Variants in WWOX observed in about 807,000 individuals in gnomAD.
WWOX encodes WW domain containing oxidoreductase.
In WWOX, 69 loss-of-function variants were observed where a neutral mutation model predicts 46.2. The ratio of observed to expected loss-of-function variants is 1.49; its 90% CI spans 1.23 to 1.82. The LOEUF is 1.82. Among genes scored for constraint, WWOX ranks in the 40% most tolerant of loss-of-function variants. The pLI is 0.00. For synonymous variants in WWOX, 359 were observed against 202.6 expected (o/e 1.77, Z -6.56); for missense variants, 919 against 542.6 (o/e 1.69, Z -6.89).
At chr16:78,958,496 C>A (rs1200151203) in intron 8 of WWOX, among the ~76,000 whole-genome samples, 1 of 152,202 alleles carries the variant, frequency 6.6e-6, no homozygotes, top group Non-Finnish European at 1.5e-5. Context: ...TAAAAACACA[C>A]TTTACTACAA....
chr16:78,603,230 G>C (rs1377526084), intron 8 of WWOX, among the ~76,000 whole-genome samples: 2 of 152,220 alleles, frequency 1.3e-5, no homozygotes, highest in Non-Finnish European at 2.9e-5. Flanking sequence ...TCATGGCACA[G>C]ATAAGGCATT....
rs149890838 is a variant in WWOX, at chr16:79,165,272, C to A, written c.1057-46336C>A. On this transcript the variant is annotated intron_variant, in intron 8 of 8. Coordinates refer to ENST00000566780, the MANE Select transcript of WWOX (RefSeq NM_016373.4). ...CCGGCATCCAATGACCTTGCCATTGCGGAGGTCAATTTCATGTGTGTGTGC... is the reference window on the plus strand; with the variant it reads ...CCGGCATCCAATGACCTTGCCATTGAGGAGGTCAATTTCATGTGTGTGTGC... Among the ~76,000 whole-genome samples, 216 of 152,092 alleles carry A rather than the reference C, an allele frequency of 1.4e-3. 1 individual carries two copies. The highest frequency in any genetic ancestry group is 5.0e-3 in the African/African-American group (209 of 41,482).
chr16:78,636,214 G>A (rs907133841), intron 8 of WWOX, among the ~76,000 whole-genome samples: 2 of 152,258 alleles, frequency 1.3e-5, no homozygotes, highest in Middle Eastern at 3.4e-3. Flanking sequence ...TAGAGACCAG[G>A]TTAAAGCTTT....
intron 8 of WWOX, among the ~76,000 whole-genome samples, chr16:78,614,889 G>A (rs1004404789): frequency 6.6e-6 from 1 of 152,146 alleles, no homozygotes; most frequent in African/African-American, 2.4e-5. Flanking sequence ...CAGCCATCAA[G>A]CCATCTTTTA....
At chr16:78,953,845 C>T (rs559524736) in intron 8 of WWOX, among the ~76,000 whole-genome samples, 107 of 152,310 alleles carry the variant, frequency 7.0e-4, no homozygotes, top group African/African-American at 2.5e-3. Context: ...CTCCACTCTC[C>T]TGTAGCATTT....
intron 5 of WWOX, among the ~76,000 whole-genome samples, chr16:78,242,474 A>G (rs1337649338): frequency 6.6e-6 from 1 of 152,190 alleles, no homozygotes; most frequent in African/African-American, 2.4e-5. Context: ...CTCTCTCCAC[A>G]CATTTCCTAG....
chr16:79,118,690 T>A (rs998929725), intron 8 of WWOX, among the ~76,000 whole-genome samples: 3 of 152,232 alleles, frequency 2.0e-5, no homozygotes, highest in African/African-American at 7.2e-5. Context: ...CTGCTGCCCA[T>A]GGCAACCACA....
intron 8 of WWOX, among the ~76,000 whole-genome samples, chr16:78,978,646 G>A (rs918419106): frequency 5.3e-5 from 8 of 152,172 alleles, no homozygotes; most frequent in Admixed American, 2.0e-4. Context: ...TTATAATCAT[G>A]GCAGAAGGTA....
chr16:79,045,780 C>T (rs1169154217), intron 8 of WWOX, among the ~76,000 whole-genome samples: 12 of 54,224 alleles, frequency 2.2e-4, no homozygotes, highest in South Asian at 6.9e-4. Context: ...TTTTCTTTTC[C>T]TTTTTTTTTT....
At chr16:78,621,270 A>G (rs904396442) in intron 8 of WWOX, among the ~76,000 whole-genome samples, 3 of 152,232 alleles carry the variant, frequency 2.0e-5, no homozygotes, top group Non-Finnish European at 4.4e-5. Context: ...CATTCTGGTT[A>G]ACTGAACTTT....
chr16:78,533,921 C>T (rs1373675939), intron 8 of WWOX, among the ~76,000 whole-genome samples: 1 of 152,160 alleles, frequency 6.6e-6, no homozygotes, highest in African/African-American at 2.4e-5. Flanking sequence ...GTTGGCTCCC[C>T]AGTAACCAGT....
At chr16:78,333,755 A>C (rs11647326) in intron 5 of WWOX, among the ~76,000 whole-genome samples, 30,403 of 152,210 alleles carry the variant, frequency 0.2, 3,621 homozygotes, top group East Asian at 0.45. Flanking sequence ...TCCTCTGTTC[A>C]GCAAACGTGA....
chr16:78,177,029 A>G (rs924767055), intron 5 of WWOX, among the ~76,000 whole-genome samples: 1 of 152,202 alleles, frequency 6.6e-6, no homozygotes, highest in African/African-American at 2.4e-5. Context: ...CCCCAGACCT[A>G]CTAGGTAAGA....
chr16:79,020,689 AGT>A (rs1410359320), intron 8 of WWOX, among the ~76,000 whole-genome samples: 1 of 152,110 alleles, frequency 6.6e-6, no homozygotes, highest in Non-Finnish European at 1.5e-5. Context: ...AAGAAGGGAG[AGT>A]GTGGTGAGTA....
intron 8 of WWOX, among the ~76,000 whole-genome samples, chr16:78,995,601 G>C (rs1275627126): frequency 6.6e-6 from 1 of 152,004 alleles, no homozygotes. Flanking sequence ...GAGAGAAAGA[G>C]AAAAAACTGC....
chr16:78,773,176 G>A (rs117667577), intron 8 of WWOX, among the ~76,000 whole-genome samples: 12 of 152,352 alleles, frequency 7.9e-5, no homozygotes, highest in East Asian at 5.8e-4. Flanking sequence ...TAAGCCGCTA[G>A]AACAGTGCCT....
intron 5 of WWOX, among the ~76,000 whole-genome samples, chr16:78,330,825 C>G (rs1039666349): frequency 2.2e-4 from 34 of 152,232 alleles, no homozygotes; most frequent in African/African-American, 8.0e-4. Flanking sequence ...TTTGTACTTT[C>G]AAACTTCCTC....
rs1213196169 is a variant in WWOX, at chr16:78,771,190, G to C, written c.1056+338438G>C. On this transcript the variant is annotated intron_variant, in intron 8 of 8. Transcript: ENST00000566780. ...ATCCATTTGGATAGTCTTGAACACA[G>C]AACTGACCGGAACTGACTTACTCTT... is the stretch of plus-strand genomic sequence containing the variant. Among the ~76,000 whole-genome samples, 3 of 152,196 alleles carry C rather than the reference G, an allele frequency of 2.0e-5. No individual in the cohort carries two copies. In the East Asian group the frequency reaches 5.8e-4, roughly 29 times the overall value.
chr16:78,173,261 T>A lies in WWOX; in HGVS notation c.516+8972T>A, dbSNP rs80021233. On this transcript the variant is annotated intron_variant, in intron 5 of 8. Coordinates refer to ENST00000566780, the MANE Select transcript of WWOX (RefSeq NM_016373.4). The stretch of plus-strand genomic sequence containing the variant: ...CCAGTGTGAATACTAACTCACTCGG[T>A]GTCCCTGGGCAAATCTGGTCATCTC... Among the ~76,000 whole-genome samples the A allele has an allele frequency of 4.6e-3, 704 of 152,270 alleles. 4 individuals carry two copies. Among genetic ancestry groups the A allele is most frequent in the African/African-American group, 0.016 (666 of 41,552 alleles).
Sources: allele counts gnomAD v4.1 joint callset (sites outside exome capture counted in the v4.1 genomes callset), GRCh38; gene constraint gnomAD v4.1.1; transcripts MANE v1.5; gene names NCBI Gene and HGNC (gene_info 2026-07-23, HGNC 2026-07-21).